The following MICOS13 variants were observed in gnomAD, a reference collection of about 807,000 sequenced individuals.
MICOS13 encodes MICOS complex subunit MIC13.
A neutral mutation model predicts 16.1 loss-of-function variants in MICOS13; 15 were observed. The observed-to-expected ratio is 0.93, with a 90% CI of 0.62 to 1.44. The LOEUF (loss-of-function observed/expected upper bound fraction) is 1.44, where lower values mean the gene tolerates loss of function less well. MICOS13 is among the 40% of genes most tolerant of loss of function. The pLI is 0.00. For synonymous variants in MICOS13, 61 were observed against 62.6 expected, an observed-to-expected ratio of 0.97 and a Z score of 0.12; for missense variants, 164 against 155.0, an observed-to-expected ratio of 1.06 and a Z score of -0.31.
intron 1 of MICOS13, chr19:5,680,072 G>A: frequency 6.5e-7 from 1 of 1,533,138 alleles, no homozygotes; most frequent in Middle Eastern, 1.9e-4. Flanking sequence ...AAGCCTTCCA[G>A]CCCTGGAGAA....
In MICOS13 at chr19:5,678,513, G is replaced by T; in HGVS notation, c.*38C>A. On this transcript the variant is annotated 3_prime_UTR_variant, in exon 4 of 4. Coordinates refer to ENST00000309324, the MANE Select transcript of MICOS13 (RefSeq NM_205767.3). ...GAGTCTTCAGGTCAGTGGCAGCCCT[G>T]CCCGTTCTGGCCGGGGCAGGCGGCC... 6.6e-7 allele frequency: 1 copy of T among 1,524,312 alleles called. No individual in the cohort carries two copies. Among genetic ancestry groups the T allele is most frequent in the Non-Finnish European group, 8.9e-7 (1 of 1,125,734 alleles). 94.4% of individuals were successfully genotyped at this position (1,524,312 alleles called of 1,614,324 possible). A position where few individuals can be genotyped will look rare whatever the true frequency, so the allele number is the denominator to read the frequency against.
chr19:5,679,304 C>A (rs758462240), intron 3 of MICOS13, 41 bp downstream of exon 3: 436 of 1,578,384 alleles, frequency 2.8e-4, no homozygotes, highest in Non-Finnish European at 3.5e-4. Flanking sequence ...AGGGGCTAGA[C>A]TGGGGTGTCT....
At position 5,679,575 on chromosome 19, in the gene MICOS13, G is replaced by A. The variant is rs1568293526; in HGVS notation, c.207+11C>T. 6.2e-7 allele frequency: 1 copy of A among 1,607,912 alleles called. No individual in the cohort carries two copies. The highest frequency in any genetic ancestry group is 1.7e-5 in the Admixed American group (1 of 58,688). ...CCGCCAAACCCTGGCCTCGTTCCCG[G>A]CCCGTAGTACCTGGGGTATCTGCAG... On this transcript the variant is annotated intron_variant, in intron 2 of 3. Transcript: ENST00000309324.
intron 1 of MICOS13, 190 bp from the exon 2 acceptor site, chr19:5,679,953 G>C: frequency 7.1e-7 from 1 of 1,402,976 alleles, no homozygotes; most frequent in South Asian, 1.4e-5. Context: ...AAGGCAGGGC[G>C]GCTGGACGCC....
rs1204145617 is a variant in MICOS13, at chr19:5,678,486, C to CGGA, written c.*62_*64dup. 2.8e-6 allele frequency: 4 copies of CGGA among 1,440,642 alleles called. No individual in the cohort carries two copies. The East Asian group carries it at 9.9e-5, about 36-fold the overall frequency. The allele number at this position is 1,440,642 out of a possible 1,614,324, so 89.2% of individuals were successfully genotyped here. A position where few individuals can be genotyped will look rare whatever the true frequency, so the allele number is the denominator to read the frequency against. On this transcript the variant is annotated 3_prime_UTR_variant, in exon 4 of 4. Transcript: ENST00000309324. ...CTGCCCTCGGAGTGGGGTCCCAGTC[C>CGGA]GGAGTCTTCAGGTCAGTGGCAGCCC...
rs1599407645 is a variant in MICOS13 at position 5,679,655 on chromosome 19, C to T, written c.138G>A (p.Glu46=). 2 of 1,610,902 alleles carry T rather than the reference C, an allele frequency of 1.2e-6. No homozygotes were observed. Among genetic ancestry groups the T allele is most frequent in the East Asian group, 2.2e-5 (1 of 44,870 alleles). ...KSQAALQKAG[E]VVPPAMYQFS... is the part of the protein sequence containing the mutation. ...ACTGGTACATGGCGGGGGGGACCAC[C>T]TCCCCAGCCTTCTGTAGGGCTGCCT... Residue 46 remains glutamate, a synonymous_variant, in exon 2 of 4, where the codon GAG becomes GAA. Transcript: ENST00000309324.
intron 3 of MICOS13, chr19:5,678,990 C>T (rs994135011): frequency 1.1e-5 from 4 of 371,068 alleles, no homozygotes; most frequent in East Asian, 6.4e-5. Context: ...CTCACTGCAA[C>T]CTCTGCCTCC....
chr19:5,678,645 A>T lies in MICOS13; in HGVS notation c.263T>A (p.Ile88Asn), dbSNP rs762295357. 4 of 1,525,064 alleles carry T rather than the reference A, an allele frequency of 2.6e-6. No individual in the cohort carries two copies. In the African/African-American group the frequency reaches 5.6e-5, roughly 21 times the overall value. The allele number at this position is 1,525,064 out of a possible 1,614,324, so 94.5% of individuals were successfully genotyped here. The stretch of plus-strand genomic sequence containing the variant: ...CGACAGAGCTGACATCACCGTCATG[A>T]TGCCTGTGGGAAAGGGACGGCCACT... Reference protein sequence around the residue: ...FPIRDSWNAGIMTVMSALSVA... With the variant: ...FPIRDSWNAGNMTVMSALSVA... The change falls in exon 4 of 4, where the codon ATC (isoleucine) becomes AAC (asparagine). Residue 88 changes from isoleucine (I) to asparagine (N), a missense_variant. Transcript: ENST00000309324.
intron 3 of MICOS13, chr19:5,678,864 C>T: frequency 5.9e-6 from 3 of 505,626 alleles, no homozygotes; most frequent in Non-Finnish European, 1.0e-5. Flanking sequence ...GCCTCAGCCT[C>T]CCAAGTAGCT....
Position 5,679,767 on chromosome 19 carries a change from C to T in MICOS13, c.30-4G>A. ...CACACTTCCCTTGATGAGGAACCTG[C>T]GGGCAGGGACGGGAGGAGCAGAAGC... On this transcript the variant is annotated splice_region_variant and splice_polypyrimidine_tract_variant and intron_variant, in intron 1 of 3. Coordinates refer to ENST00000309324, the MANE Select transcript of MICOS13 (RefSeq NM_205767.3). 1 of 1,590,374 alleles carries T rather than the reference C, an allele frequency of 6.3e-7. No homozygotes were observed. Among genetic ancestry groups the T allele is most frequent in the South Asian group, 1.1e-5 (1 of 89,358 alleles).
Position 5,679,413 on chromosome 19 carries a change from G to C in MICOS13, c.208-17C>G. The C allele has an allele frequency of 1.9e-6, 3 of 1,612,842 alleles. No individual in the cohort carries two copies. Among genetic ancestry groups the C allele is most frequent in the Non-Finnish European group, 2.5e-6 (3 of 1,179,314 alleles). On this transcript the variant is annotated splice_polypyrimidine_tract_variant and intron_variant, in intron 2 of 3. Transcript: ENST00000309324. ...GGCTGGGAGCTGGGAAAAAGAGATG[G>C]GCAGAAAGAACTGGTGAAAAGGCTC...
At chr19:5,680,291 C>T (rs2054510441) in intron 1 of MICOS13, 167 bp downstream of exon 1, 2 of 1,607,744 alleles carry the variant, frequency 1.2e-6, no homozygotes, top group Non-Finnish European at 1.7e-6. Flanking sequence ...CTCGGGAAGC[C>T]CCGCCCCTCT....
rs773529324 is a variant in MICOS13, at chr19:5,679,362, C to T, written c.242G>A (p.Arg81His). Residue 81 changes from arginine to histidine, a missense_variant, in exon 3 of 4, where the codon CGT becomes CAT. Arg to His is a conservative substitution (Grantham distance 29). Transcript: ENST00000309324. ...TGCCTTACCTGCATTCCAGGAGTCA[C>T]GGATGGGAAAGTAAATCTTTGGAGG... ...PAPPKIYFPI[R>H]DSWNAGIMTV... The T allele has an allele frequency of 6.2e-6, 10 of 1,613,352 alleles. No individual in the cohort carries two copies. The highest frequency in any genetic ancestry group is 8.5e-6 in the Non-Finnish European group (10 of 1,179,816).
chr19:5,678,829 C>T lies in MICOS13; in HGVS notation c.260-181G>A, dbSNP rs2054478960. 4 of 548,556 alleles carry T rather than the reference C, an allele frequency of 7.3e-6. No individual in the cohort carries two copies. The Admixed American group carries it at 1.1e-4, about 15-fold the overall frequency. The allele number at this position is 548,556 out of a possible 1,614,324, so 34.0% of individuals were successfully genotyped here. On this transcript the variant is annotated intron_variant, in intron 3 of 3. Transcript: ENST00000309324. ...CAATCTCGGCTCACTGCAACCTTCG[C>T]CTCCTGGGTTCAAGCGATTCTCTTG... is the stretch of plus-strand genomic sequence containing the variant.
At position 5,679,685 on chromosome 19, in the gene MICOS13, C is replaced by T. The variant is rs372429813; in HGVS notation, c.108G>A (p.Lys36=). ...CAGCCTTCTGTAGGGCTGCCTGGCT[C>T]TTGTCGCTGGGCCCCAGCAGCTCCT... ...YDQELLGPSD[K]SQAALQKAGE... Residue 36 remains lysine (K), a synonymous_variant, in exon 2 of 4, where the codon AAG becomes AAA. Transcript: ENST00000309324. 2.5e-6 allele frequency: 4 copies of T among 1,610,318 alleles called. No homozygotes were observed. In the African/African-American group the frequency reaches 5.3e-5, roughly 22 times the overall value.
Position 5,679,750 on chromosome 19 carries a change from C to T in MICOS13, c.43G>A (p.Gly15Arg). ...TAGACGGCGCCCCCAGCCACACTTCCCTTGATGAGGAACCTGCGGGCAGGG... is the reference window on the plus strand; with the variant it reads ...TAGACGGCGCCCCCAGCCACACTTCTCTTGATGAGGAACCTGCGGGCAGGG... ...VWSLMRFLIKGSVAGGAVYLV... is the reference protein window; with the variant it reads ...VWSLMRFLIKRSVAGGAVYLV... Residue 15 changes from glycine (G) to arginine (R), a missense_variant, in exon 2 of 4, where the codon GGA (glycine) becomes AGA (arginine). By Grantham distance (125) the Gly-to-Arg change is moderately radical (BLOSUM62 -2). Coordinates refer to ENST00000309324, the MANE Select transcript of MICOS13 (RefSeq NM_205767.3). The T allele has an allele frequency of 1.9e-6, 3 of 1,605,456 alleles. No homozygotes were observed. Among genetic ancestry groups the T allele is most frequent in the South Asian group, 1.1e-5 (1 of 90,618 alleles).
rs896187629 is a variant in MICOS13, at chr19:5,680,512, C to A, written c.-26G>T. 4 of 1,594,880 alleles carry A rather than the reference C, an allele frequency of 2.5e-6. No homozygotes were observed. Among genetic ancestry groups the A allele is most frequent in the Non-Finnish European group, 3.4e-6 (4 of 1,174,826 alleles). Reference sequence around the variant, plus strand: ...GGTCGCTCGGATCCACGCGCAAGGACACTCGGCTCGCCCGCCGCTTCCTGT... The same window carrying A: ...GGTCGCTCGGATCCACGCGCAAGGAAACTCGGCTCGCCCGCCGCTTCCTGT... On this transcript the variant is annotated 5_prime_UTR_variant, in exon 1 of 4. Coordinates refer to ENST00000309324, the MANE Select transcript of MICOS13 (RefSeq NM_205767.3).
At chr19:5,679,225 A>G in intron 3 of MICOS13, 120 bp downstream of exon 3, 1 of 1,111,650 alleles carries the variant, frequency 9.0e-7, no homozygotes, top group Non-Finnish European at 1.3e-6. Context: ...TTTCCCTTTT[A>G]GATCCCTAAG....
rs756478911 is a variant in MICOS13, at chr19:5,680,262, G to C, written c.29+196C>G. 6.9e-5 allele frequency: 110 copies of C among 1,583,566 alleles called. 1 individual carries two copies. The Admixed American group carries it at 8.2e-4, about 12-fold the overall frequency. ...ACGCCAAGGGCTCGCTGGGAAGCAG[G>C]AGGGAGGGGATTGGCGACCTCGGGA... On this transcript the variant is annotated intron_variant, in intron 1 of 3. Transcript: ENST00000309324.
Sources: allele counts gnomAD v4.1 joint callset, GRCh38; gene constraint gnomAD v4.1.1; transcripts MANE v1.5; gene names NCBI Gene and HGNC (gene_info 2026-07-23, HGNC 2026-07-21).